Variants in CLYBL observed in about 807,000 individuals in gnomAD.
CLYBL encodes citramalyl-CoA lyase.
Under a neutral mutation model 38.9 loss-of-function variants are expected in CLYBL, and 31 were observed. The ratio of observed to expected loss-of-function variants is 0.80; its 90% CI spans 0.60 to 1.08. CLYBL has a LOEUF of 1.08. Ranked by LOEUF, CLYBL falls within the 50% of genes least tolerant of loss-of-function variation. The probability of loss-of-function intolerance (pLI) is 0.00; values close to 1 mark genes in which losing one functional copy is unlikely to be tolerated. For missense variants in CLYBL, 434 were observed against 411.6 expected (o/e 1.05, Z -0.47); for synonymous variants, 171 against 158.6 (o/e 1.08, Z -0.59).
At chr13:99,872,455 G>A (rs189720280) in intron 7 of CLYBL, among the ~76,000 whole-genome samples, 8 of 152,254 alleles carry the variant, frequency 5.3e-5, no homozygotes, top group Non-Finnish European at 1.2e-4. Context: ...CTAGAACGAA[G>A]AGCCACGGAC....
chr13:99,736,033 CT>C (rs1027592047), intron 1 of CLYBL, among the ~76,000 whole-genome samples: 48 of 106,976 alleles, frequency 4.5e-4, no homozygotes, highest in African/African-American at 1.6e-3. Context: ...CTATACGTTT[CT>C]TTTCTTTTTT....
At chr13:99,894,070 C>T (rs1198667134), downstream of CLYBL, 2 of 152,430 alleles carry the variant, frequency 1.3e-5, no homozygotes, top group Middle Eastern at 3.4e-3. Flanking sequence ...GAGACCCAAA[C>T]GACGAGGGTC....
At chr13:99,873,142 T>A (rs971252903) in intron 7 of CLYBL, among the ~76,000 whole-genome samples, 24 of 152,132 alleles carry the variant, frequency 1.6e-4, no homozygotes, top group African/African-American at 5.1e-4. Context: ...TCCAGCAAGG[T>A]TGAAATGATT....
At position 99,783,702 on chromosome 13, in the gene CLYBL, C is replaced by T. The variant is rs948756178; in HGVS notation, c.249+10692C>T. On this transcript the variant is annotated intron_variant, in intron 2 of 8. Coordinates refer to ENST00000339105, the MANE Select transcript of CLYBL (RefSeq NM_206808.5). ...CCTTATGATCCGCCCGCCTCGGCCT[C>T]CCAAAGTGCTGGGATTACAGGCATG... Among the ~76,000 whole-genome samples the T allele has an allele frequency of 7.2e-5, 11 of 152,242 alleles. 1 individual carries two copies. Among genetic ancestry groups the T allele is most frequent in the Middle Eastern group, 3.4e-3 (1 of 294 alleles).
chr13:99,742,752 A>G (rs901060804), intron 1 of CLYBL, among the ~76,000 whole-genome samples: 15 of 152,186 alleles, frequency 9.9e-5, no homozygotes, highest in African/African-American at 3.1e-4. Context: ...TTATTTTTAT[A>G]TTATAGAGCC....
In CLYBL at chr13:99,892,567, G is replaced by A. The variant is rs140737943; in HGVS notation, c.*149G>A. On this transcript the variant is annotated 3_prime_UTR_variant, in exon 9 of 9. Coordinates refer to ENST00000339105, the MANE Select transcript of CLYBL (RefSeq NM_206808.5). ...TCATTAAATCATGAGCTTTTGTGCC[G>A]AGACTCTGGACGACTGTTCCTTAAG... 2 of 152,726 alleles carry A rather than the reference G, an allele frequency of 1.3e-5. No homozygotes were observed. The highest frequency in any genetic ancestry group is 2.9e-5 in the Non-Finnish European group (2 of 68,042). The allele number at this position is 152,726 out of a possible 1,614,324, so 9.5% of individuals were successfully genotyped here. A position where few individuals can be genotyped will look rare whatever the true frequency, so the allele number is the denominator to read the frequency against.
At chr13:99,708,870 G>C (rs926341810) in intron 1 of CLYBL, among the ~76,000 whole-genome samples, 1 of 152,112 alleles carries the variant, frequency 6.6e-6, no homozygotes, top group Non-Finnish European at 1.5e-5. Context: ...TGAGGTGGGC[G>C]GATGATGAGG....
Position 99,634,171 on chromosome 13 carries a change from G to A in CLYBL, c.62+27414G>A, listed in dbSNP as rs544345136. Among the ~76,000 whole-genome samples, 11 of 152,286 alleles carry A rather than the reference G, an allele frequency of 7.2e-5. No homozygotes were observed. The South Asian group carries it at 1.0e-3, about 14-fold the overall frequency. Reference sequence around the variant, plus strand: ...AGGAACAATAATATAACTAACAGCCGACTGCTTATCAGAAACAGTGGAGAG... The same window carrying A: ...AGGAACAATAATATAACTAACAGCCAACTGCTTATCAGAAACAGTGGAGAG... On this transcript the variant is annotated intron_variant, in intron 1 of 8. Coordinates refer to ENST00000339105, the MANE Select transcript of CLYBL (RefSeq NM_206808.5).
intron 2 of CLYBL, 23 bp from the exon 3 acceptor site, chr13:99,858,838 A>T (rs1346911374): frequency 1.3e-6 from 2 of 1,556,902 alleles, no homozygotes; most frequent in East Asian, 2.3e-5. Flanking sequence ...AATAAACAAT[A>T]AACTTTTTAT....
intron 1 of CLYBL, among the ~76,000 whole-genome samples, chr13:99,607,902 C>T (rs953584775): frequency 6.6e-6 from 1 of 152,014 alleles, no homozygotes; most frequent in African/African-American, 2.4e-5. Context: ...CACCACCACC[C>T]CTGGCTAATT....
At chr13:99,776,370 C>G (rs1442645202) in intron 2 of CLYBL, among the ~76,000 whole-genome samples, 1 of 151,094 alleles carries the variant, frequency 6.6e-6, no homozygotes, top group Non-Finnish European at 1.5e-5. Context: ...GTGGCACACA[C>G]CTGTAATCCC....
intron 2 of CLYBL, among the ~76,000 whole-genome samples, chr13:99,780,929 G>A (rs977366547): frequency 6.9e-6 from 1 of 145,950 alleles, no homozygotes; most frequent in Admixed American, 6.9e-5. Flanking sequence ...GGCCAGTCTG[G>A]TCTCGAACTC....
chr13:99,683,606 C>T (rs1193419844), intron 1 of CLYBL, among the ~76,000 whole-genome samples: 1 of 151,916 alleles, frequency 6.6e-6, no homozygotes, highest in African/African-American at 2.4e-5. Context: ...TACTGTCTTC[C>T]ACCTCTACAG....
intron 1 of CLYBL, among the ~76,000 whole-genome samples, chr13:99,646,770 C>CA (rs1240634610): frequency 5.9e-5 from 9 of 151,796 alleles, no homozygotes; most frequent in Non-Finnish European, 1.5e-5. Flanking sequence ...GTGATCCACC[C>CA]ACCTTGGCCT....
At chr13:99,677,008 T>C (rs2047663394) in intron 1 of CLYBL, among the ~76,000 whole-genome samples, 2 of 151,708 alleles carry the variant, frequency 1.3e-5, no homozygotes. Context: ...ACAGTAGAGC[T>C]GAGAGCACAA....
intron 1 of CLYBL, among the ~76,000 whole-genome samples, chr13:99,671,044 C>T (rs931672396): frequency 1.3e-5 from 2 of 152,188 alleles, no homozygotes; most frequent in African/African-American, 4.8e-5. Flanking sequence ...GCCCTTATGA[C>T]ACACCGGTCT....
chr13:99,744,871 A>G (rs1594154735), intron 1 of CLYBL, among the ~76,000 whole-genome samples: 1 of 152,252 alleles, frequency 6.6e-6, no homozygotes, highest in East Asian at 1.9e-4. Context: ...CCCTATTTGG[A>G]GCTCAGTGTT....
intron 1 of CLYBL, among the ~76,000 whole-genome samples, chr13:99,720,740 TTC>T (rs2048380530): frequency 6.6e-6 from 1 of 152,238 alleles, no homozygotes; most frequent in Non-Finnish European, 1.5e-5. Flanking sequence ...AGAAAAATTG[TTC>T]TTTTTTCATG....
intron 1 of CLYBL, among the ~76,000 whole-genome samples, chr13:99,659,114 G>C (rs2047372659): frequency 6.6e-6 from 1 of 152,070 alleles, no homozygotes. Flanking sequence ...ACTCTTTGCT[G>C]GTACTTAGTT....
Sources: allele counts gnomAD v4.1 joint callset (sites outside exome capture counted in the v4.1 genomes callset), GRCh38; gene constraint gnomAD v4.1.1; transcripts MANE v1.5; gene names NCBI Gene and HGNC (gene_info 2026-07-23, HGNC 2026-07-21).